Variants in VAT1L observed in about 807,000 individuals in gnomAD.
VAT1L encodes the protein vesicle amine transport 1 like.
A neutral mutation model predicts 44.1 loss-of-function variants in VAT1L; 34 were observed. That is an observed-to-expected ratio of 0.77 (90% confidence interval 0.59 to 1.03). VAT1L has a LOEUF of 1.03. Among genes scored for constraint, VAT1L ranks in the 50% least tolerant of loss-of-function variants. The pLI is 0.00. For missense variants in VAT1L, 615 were observed against 538.8 expected (o/e 1.14, Z -1.40); for synonymous variants, 253 against 202.2 (o/e 1.25, Z -2.13).
At chr16:77,952,440 C>T (rs1291998968) in intron 7 of VAT1L, among the ~76,000 whole-genome samples, 3 of 152,012 alleles carry the variant, frequency 2.0e-5, no homozygotes, top group South Asian at 2.1e-4. Context: ...TTGTGGGGCC[C>T]CTCCTCCCTG....
chr16:77,906,003 G>T (rs74396974), intron 7 of VAT1L, among the ~76,000 whole-genome samples: 1 of 151,980 alleles, frequency 6.6e-6, no homozygotes, highest in South Asian at 2.1e-4. Context: ...CCTCACCATC[G>T]CTCATGAATT....
intron 7 of VAT1L, among the ~76,000 whole-genome samples, chr16:77,970,245 G>A (rs578068880): frequency 6.6e-6 from 1 of 152,088 alleles, no homozygotes; most frequent in Admixed American, 6.6e-5. Flanking sequence ...CCCCAAAAAT[G>A]TGTTGATTCC....
intron 2 of VAT1L, among the ~76,000 whole-genome samples, chr16:77,820,640 A>G (rs1481735681): frequency 6.6e-6 from 1 of 152,172 alleles, no homozygotes; most frequent in African/African-American, 2.4e-5. Context: ...GCAGAGAGAC[A>G]GATCTGAACT....
At chr16:77,848,850 C>T (rs971540500) in intron 3 of VAT1L, among the ~76,000 whole-genome samples, 1 of 152,082 alleles carries the variant, frequency 6.6e-6, no homozygotes, top group African/African-American at 2.4e-5. Flanking sequence ...CCATGGAATA[C>T]CATGCAGCCA....
At position 77,979,211 on chromosome 16, in the gene VAT1L, T is replaced by C. The variant is rs2018373397; in HGVS notation, c.*1516T>C. ...CTATCCTAAGCTTATGATGATGAGT[T>C]ATGTATGCCAAATACTTATCTGAAG... On this transcript the variant is annotated 3_prime_UTR_variant, in exon 9 of 9. Coordinates refer to ENST00000302536, the MANE Select transcript of VAT1L (RefSeq NM_020927.3). 6.6e-6 allele frequency: 1 copy of C among 152,594 alleles called. No homozygotes were observed. Among genetic ancestry groups the C allele is most frequent in the Non-Finnish European group, 1.5e-5 (1 of 68,026 alleles). The allele number at this position is 152,594 out of a possible 1,614,324, so 9.5% of individuals were successfully genotyped here.
chr16:77,871,904 G>A (rs1281692100), intron 4 of VAT1L, among the ~76,000 whole-genome samples: 3 of 152,094 alleles, frequency 2.0e-5, no homozygotes, highest in Non-Finnish European at 2.9e-5. Flanking sequence ...GAGAGGTTTT[G>A]CGTACTCTTT....
At chr16:77,961,282 C>T (rs2018157221) in intron 7 of VAT1L, among the ~76,000 whole-genome samples, 1 of 152,080 alleles carries the variant, frequency 6.6e-6, no homozygotes, top group Non-Finnish European at 1.5e-5. Flanking sequence ...GCACGGTGAT[C>T]TAGCTCCTGC....
intron 7 of VAT1L, among the ~76,000 whole-genome samples, chr16:77,918,980 C>T (rs1158919479): frequency 6.6e-6 from 1 of 152,120 alleles, no homozygotes; most frequent in African/African-American, 2.4e-5. Context: ...TCCTATCTAG[C>T]TTCTTGTTTA....
chr16:77,868,196 A>G (rs1300272898), intron 4 of VAT1L, among the ~76,000 whole-genome samples: 3 of 152,226 alleles, frequency 2.0e-5, no homozygotes, highest in Non-Finnish European at 2.9e-5. Context: ...AGTCAGGTAT[A>G]CACAACTCAG....
intron 7 of VAT1L, among the ~76,000 whole-genome samples, chr16:77,926,310 C>T (rs980182591): frequency 2.7e-5 from 4 of 150,614 alleles, no homozygotes; most frequent in East Asian, 3.9e-4. Flanking sequence ...GGGCCAGGCA[C>T]GGTGGTGCAC....
chr16:77,845,725 A>C (rs1379547770), intron 3 of VAT1L, among the ~76,000 whole-genome samples: 2 of 152,102 alleles, frequency 1.3e-5, no homozygotes, highest in Non-Finnish European at 2.9e-5. Context: ...CCACCCTGAG[A>C]GCCAGACTAG....
At chr16:77,890,509 T>C (rs1467582879) in intron 7 of VAT1L, among the ~76,000 whole-genome samples, 1 of 152,158 alleles carries the variant, frequency 6.6e-6, no homozygotes, top group Non-Finnish European at 1.5e-5. Flanking sequence ...ATGATCACTG[T>C]AAAGATTCAC....
chr16:77,809,297 A>T (rs1188587423), intron 1 of VAT1L, among the ~76,000 whole-genome samples: 2 of 152,182 alleles, frequency 1.3e-5, no homozygotes, highest in East Asian at 3.9e-4. Context: ...CATAAAAGTT[A>T]CCTATTACAA....
In VAT1L at chr16:77,979,357, CTCCAGGACCCACCAATAT is replaced by C. The variant is rs1250871668; in HGVS notation, c.*1668_*1685del. The C allele has an allele frequency of 1.3e-5, 2 of 152,188 alleles. No individual in the cohort carries two copies. Among genetic ancestry groups the C allele is most frequent in the African/African-American group, 4.8e-5 (2 of 41,438 alleles). 9.4% of individuals were successfully genotyped at this position (152,188 alleles called of 1,614,324 possible). ...ACACCAGCATCATCTTTTCTTCGTACTCCAGGACCCACCAATATTCCAGTTCTGGGTCATTTAGAGAGA... is the reference window on the plus strand; with the variant it reads ...ACACCAGCATCATCTTTTCTTCGTACTCCAGTTCTGGGTCATTTAGAGAGA... On this transcript the variant is annotated 3_prime_UTR_variant, in exon 9 of 9. Coordinates refer to ENST00000302536, the MANE Select transcript of VAT1L (RefSeq NM_020927.3).
Position 77,879,839 on chromosome 16 carries a change from T to C in VAT1L, c.882+615T>C, listed in dbSNP as rs2017130754. Among the ~76,000 whole-genome samples the C allele has an allele frequency of 6.6e-6, 1 of 152,212 alleles. No individual in the cohort carries two copies. Among genetic ancestry groups the C allele is most frequent in the East Asian group, 1.9e-4 (1 of 5,200 alleles). Reference sequence around the variant, plus strand: ...CAAAAATGAACTTAGCATTAGTGCATTTTCTTTGCTCCATAGAGCGGCCAG... The same window carrying C: ...CAAAAATGAACTTAGCATTAGTGCACTTTCTTTGCTCCATAGAGCGGCCAG... On this transcript the variant is annotated intron_variant, in intron 6 of 8. Coordinates refer to ENST00000302536, the MANE Select transcript of VAT1L (RefSeq NM_020927.3). The surrounding 1 kb of genome is among the most constrained non-coding windows in gnomAD (Gnocchi z 4.1).
chr16:77,955,978 C>T (rs1161498487), intron 7 of VAT1L, among the ~76,000 whole-genome samples: 4 of 152,040 alleles, frequency 2.6e-5, no homozygotes, highest in Admixed American at 2.0e-4. Flanking sequence ...ACTGTTTAAC[C>T]TTAAGCAAAA....
intron 4 of VAT1L, among the ~76,000 whole-genome samples, chr16:77,870,249 C>T (rs189081125): frequency 5.9e-4 from 90 of 152,268 alleles, no homozygotes; most frequent in East Asian, 2.7e-3. Context: ...GTACCAGGCA[C>T]GGTGCTTGGC....
intron 7 of VAT1L, among the ~76,000 whole-genome samples, chr16:77,957,830 G>A (rs1229031961): frequency 6.6e-6 from 1 of 151,224 alleles, no homozygotes; most frequent in Admixed American, 6.6e-5. Flanking sequence ...ATTCTCGTGT[G>A]GAATTGCAGG....
At chr16:77,848,267 T>C (rs778193393) in intron 3 of VAT1L, among the ~76,000 whole-genome samples, 1 of 152,166 alleles carries the variant, frequency 6.6e-6, no homozygotes, top group Non-Finnish European at 1.5e-5. Context: ...TTCCACCTCA[T>C]TAGTTTTCAT....
Sources: allele counts gnomAD v4.1 joint callset (sites outside exome capture counted in the v4.1 genomes callset), GRCh38; gene constraint gnomAD v4.1.1; non-coding constraint Gnocchi (gnomAD v3.1); transcripts MANE v1.5; gene names NCBI Gene and HGNC (gene_info 2026-07-23, HGNC 2026-07-21).